PRKCE: variants seen among roughly 807,000 people sequenced by gnomAD.
PRKCE encodes protein kinase C epsilon type.
Under a neutral mutation model 85.4 loss-of-function variants are expected in PRKCE, and 16 were observed. The ratio of observed to expected loss-of-function variants is 0.19; its 90% confidence interval spans 0.13 to 0.28. PRKCE has a LOEUF of 0.28. PRKCE is among the 10% of genes least tolerant of loss of function. The pLI is 1.00. For synonymous variants in PRKCE, 388 were observed against 371.5 expected (o/e 1.04, Z -0.51); for missense variants, 573 against 975.2 (o/e 0.59, Z 5.49).
chr2:46,123,214 C>CTTTTTGTTTTTTTTTTTTTTTTT (rs1673500946), intron 11 of PRKCE, among the ~76,000 whole-genome samples: 1 of 27,352 alleles, frequency 3.7e-5, no homozygotes, highest in African/African-American at 1.3e-4. Context: ...AAACACTTGC[C>CTTTTTGTTTTTTTTTTTTTTTTT]TTTTTTTTTT....
intron 1 of PRKCE, among the ~76,000 whole-genome samples, chr2:45,725,210 G>T (rs1680954392): frequency 6.6e-6 from 1 of 152,186 alleles, no homozygotes; most frequent in African/African-American, 2.4e-5. Context: ...ACAAAGCCTG[G>T]ATGATAGCAC....
intron 2 of PRKCE, among the ~76,000 whole-genome samples, chr2:45,878,991 A>T (rs1202511115): frequency 6.6e-6 from 1 of 152,218 alleles, no homozygotes; most frequent in African/African-American, 2.4e-5. Context: ...TCTAGACGGA[A>T]AAGGGCTGGG....
intron 1 of PRKCE, chr2:45,677,746 C>A: frequency 2.1e-6 from 1 of 473,212 alleles, no homozygotes; most frequent in Non-Finnish European, 2.8e-6. Context: ...TAAAGATACT[C>A]TGGCTTGTGG....
At chr2:46,023,186 C>T (rs1189007241) in intron 10 of PRKCE, among the ~76,000 whole-genome samples, 10 of 151,092 alleles carry the variant, frequency 6.6e-5, no homozygotes, top group Admixed American at 6.6e-4. Context: ...ATGGCCTGTT[C>T]TGGCCAGTTG....
chr2:46,089,888 C>T (rs578198607), intron 11 of PRKCE, among the ~76,000 whole-genome samples: 1 of 152,206 alleles, frequency 6.6e-6, no homozygotes, highest in Non-Finnish European at 1.5e-5. Flanking sequence ...CATTGCCTCT[C>T]ACTTCTCTGA....
intron 1 of PRKCE, among the ~76,000 whole-genome samples, chr2:45,779,284 G>A (rs1685995629): frequency 6.6e-6 from 1 of 152,212 alleles, no homozygotes; most frequent in Non-Finnish European, 1.5e-5. Context: ...CTTGCACACT[G>A]CAGTAGTGCA....
chr2:45,816,786 G>A (rs1342737788), intron 1 of PRKCE, among the ~76,000 whole-genome samples: 9 of 152,030 alleles, frequency 5.9e-5, no homozygotes, highest in Non-Finnish European at 4.4e-5. Context: ...TTACCTCCTC[G>A]ATATTCCTGT....
At chr2:45,848,854 C>T (rs565736781) in intron 2 of PRKCE, among the ~76,000 whole-genome samples, 95 of 152,228 alleles carry the variant, frequency 6.2e-4, no homozygotes, top group African/African-American at 2.1e-3. Flanking sequence ...AGGAATAAGT[C>T]GGGACCAGAA....
intron 2 of PRKCE, among the ~76,000 whole-genome samples, chr2:45,843,327 G>T (rs1169233832): frequency 6.6e-6 from 1 of 152,246 alleles, no homozygotes; most frequent in African/African-American, 2.4e-5. Flanking sequence ...TGTGTGCAAG[G>T]CAGGCTTCAG....
intron 1 of PRKCE, among the ~76,000 whole-genome samples, chr2:45,739,810 C>A (rs934021101): frequency 1.3e-5 from 2 of 151,848 alleles, no homozygotes; most frequent in Admixed American, 6.6e-5. Context: ...ATCCACAGAA[C>A]TCTACACTAA....
intron 14 of PRKCE, among the ~76,000 whole-genome samples, chr2:46,176,768 A>G (rs1195073049): frequency 6.6e-6 from 1 of 152,184 alleles, no homozygotes. Context: ...GGGCTGTTTC[A>G]GGGGCCAGGT....
At chr2:45,675,760 C>A (rs1327172607) in intron 1 of PRKCE, 1 of 152,240 alleles carries the variant, frequency 6.6e-6, no homozygotes. Context: ...TGCTTGTCAT[C>A]TGGCACTGCT....
At chr2:45,845,244 G>A (rs1288014600) in intron 2 of PRKCE, among the ~76,000 whole-genome samples, 1 of 152,056 alleles carries the variant, frequency 6.6e-6, no homozygotes, top group Admixed American at 6.5e-5. Context: ...TTTTGGAAGA[G>A]TTGAGAGGGC....
chr2:45,753,307 G>A (rs1402020800), intron 1 of PRKCE, among the ~76,000 whole-genome samples: 1 of 152,168 alleles, frequency 6.6e-6, no homozygotes, highest in East Asian at 1.9e-4. Flanking sequence ...CAAGTTCCCA[G>A]GTGATGCTGC....
chr2:46,151,968 C>T (rs1444149003), intron 13 of PRKCE, among the ~76,000 whole-genome samples: 1 of 152,232 alleles, frequency 6.6e-6, no homozygotes, highest in Non-Finnish European at 1.5e-5. Context: ...CCCAGGGTCA[C>T]CCCTCTGAGC....
At chr2:46,106,858 G>A (rs368753614) in intron 11 of PRKCE, among the ~76,000 whole-genome samples, 18 of 152,320 alleles carry the variant, frequency 1.2e-4, no homozygotes, top group African/African-American at 4.3e-4. Flanking sequence ...ACACAAATCA[G>A]TCCTATACCA....
intron 2 of PRKCE, among the ~76,000 whole-genome samples, chr2:45,943,337 C>A (rs1190969390): frequency 6.6e-6 from 1 of 152,250 alleles, no homozygotes; most frequent in East Asian, 1.9e-4. Flanking sequence ...AGCGTCTAAG[C>A]CAGCACATAG....
chr2:45,763,412 A>C (rs1457792278), intron 1 of PRKCE, among the ~76,000 whole-genome samples: 6 of 152,222 alleles, frequency 3.9e-5, no homozygotes, highest in Non-Finnish European at 5.9e-5. Context: ...GCTAAAGGGC[A>C]GGGGCTGAAA....
chr2:45,662,270 T>G (rs1249051913), intron 1 of PRKCE, among the ~76,000 whole-genome samples: 3 of 152,200 alleles, frequency 2.0e-5, no homozygotes, highest in African/African-American at 7.2e-5. Flanking sequence ...TGTCAAGAAC[T>G]GGTCGTTGCT....
Sources: gnomAD v4.1 joint callset for allele counts (sites outside exome capture counted in the v4.1 genomes callset) on GRCh38, gnomAD v4.1.1 for gene constraint, MANE v1.5 for transcripts, NCBI Gene and HGNC (gene_info 2026-07-23, HGNC 2026-07-21) for gene names.